The following CDH12 variants were observed in gnomAD, a reference collection of about 807,000 sequenced individuals.
CDH12 encodes the protein cadherin-12.
Under a neutral mutation model 74.1 loss-of-function variants are expected in CDH12, and 41 were observed. The observed-to-expected ratio is 0.55, with a 90% CI of 0.43 to 0.72. CDH12 has a LOEUF of 0.72. CDH12 is among the 30% of genes least tolerant of loss of function. CDH12 has a pLI of 0.00. For synonymous variants in CDH12, 399 were observed against 355.0 expected (o/e 1.12, Z -1.39); for missense variants, 945 against 977.2 (o/e 0.97, Z 0.44).
chr5:22,231,252 T>TA (rs935651234), intron 3 of CDH12, among the ~76,000 whole-genome samples: 70 of 152,118 alleles, frequency 4.6e-4, no homozygotes, highest in African/African-American at 1.7e-3. Context: ...ACTTATAAAT[T>TA]AGACAAAGGA....
chr5:21,751,439 T>C lies in CDH12; in HGVS notation c.*298A>G, dbSNP rs966962022. On this transcript the variant is annotated 3_prime_UTR_variant, in exon 15 of 15. Transcript: ENST00000382254. ...TAGGTTGTCATGTCAGTAAATTGTATTGAATAGGCCTGAGCTTGTCTCAGT... is the reference window on the plus strand; with the variant it reads ...TAGGTTGTCATGTCAGTAAATTGTACTGAATAGGCCTGAGCTTGTCTCAGT... 1 of 282,712 alleles carries C rather than the reference T, an allele frequency of 3.5e-6. No individual in the cohort carries two copies. The highest frequency in any genetic ancestry group is 5.8e-5 in the South Asian group (1 of 17,194). The allele number at this position is 282,712 out of a possible 1,614,324, so 17.5% of individuals were successfully genotyped here.
In CDH12 at chr5:22,796,742, G is replaced by A. The variant is rs1486893303; in HGVS notation, c.-523+56316C>T. 3.9e-5 allele frequency among the ~76,000 whole-genome samples: 4 copies of A among 102,454 alleles called. 1 individual carries two copies. The highest frequency in any genetic ancestry group is 1.0e-4 in the Admixed American group (1 of 9,726). The allele number at this position is 102,454 out of a possible 152,430, so 67.2% of individuals were successfully genotyped here. ...TCACCGTTTTAGCCGGGATGGTCTC[G>A]ATCTCTTGACCTCGTGATCCGCCCG... On this transcript the variant is annotated intron_variant, in intron 1 of 14. Transcript: ENST00000382254.
chr5:22,295,496 A>G (rs1004123116), intron 3 of CDH12, among the ~76,000 whole-genome samples: 2 of 152,182 alleles, frequency 1.3e-5, no homozygotes, highest in East Asian at 3.9e-4. Flanking sequence ...TTGATCTAGA[A>G]AAACCACACT....
At chr5:22,401,397 C>T (rs985913920) in intron 3 of CDH12, among the ~76,000 whole-genome samples, 2 of 152,052 alleles carry the variant, frequency 1.3e-5, no homozygotes, top group African/African-American at 2.4e-5. Context: ...GTTTATTTAC[C>T]TAAATTCTTT....
chr5:22,516,133 T>C (rs1024086055), intron 1 of CDH12, among the ~76,000 whole-genome samples: 1 of 152,132 alleles, frequency 6.6e-6, no homozygotes, highest in Non-Finnish European at 1.5e-5. Flanking sequence ...TGAGATACTA[T>C]GAACATAAAC....
At chr5:22,157,001 C>G (rs1299046571) in intron 4 of CDH12, among the ~76,000 whole-genome samples, 1 of 152,072 alleles carries the variant, frequency 6.6e-6, no homozygotes, top group Non-Finnish European at 1.5e-5. Flanking sequence ...TATCTGAACT[C>G]TAGTATTAAC....
intron 9 of CDH12, among the ~76,000 whole-genome samples, chr5:21,810,527 T>C (rs886090441): frequency 6.6e-6 from 1 of 152,052 alleles, no homozygotes; most frequent in Non-Finnish European, 1.5e-5. Context: ...CAGACTTTTG[T>C]TGGGAGCAAA....
intron 6 of CDH12, among the ~76,000 whole-genome samples, chr5:21,904,099 A>T (rs1753524289): frequency 6.6e-6 from 1 of 152,154 alleles, no homozygotes; most frequent in Non-Finnish European, 1.5e-5. Flanking sequence ...AGGCAATTAT[A>T]ACTACTGTCT....
chr5:22,142,363 C>A (rs1746856719), intron 4 of CDH12: 1 of 446,034 alleles, frequency 2.2e-6, no homozygotes. Flanking sequence ...GGTAGTAGAA[C>A]AATGGGATTA....
intron 1 of CDH12, among the ~76,000 whole-genome samples, chr5:22,558,915 A>C (rs936708669): frequency 4.6e-5 from 7 of 152,096 alleles, no homozygotes; most frequent in African/African-American, 1.7e-4. Flanking sequence ...TAAAATTATT[A>C]AAAACTATTA....
At chr5:22,742,403 A>C (rs552787889) in intron 1 of CDH12, among the ~76,000 whole-genome samples, 158 of 152,282 alleles carry the variant, frequency 1.0e-3, no homozygotes, top group African/African-American at 3.8e-3. Flanking sequence ...AAAAAAGCGA[A>C]ATAAGACCAC....
rs140646167 is a variant in CDH12 at position 22,829,374 on chromosome 5, C to T, written c.-523+23684G>A. Among the ~76,000 whole-genome samples, 21 of 152,222 alleles carry T rather than the reference C, an allele frequency of 1.4e-4. No homozygotes were observed. In the East Asian group the frequency reaches 1.7e-3, roughly 13 times the overall value. ...ATATTTCTATCACCCTCAAGATACACGATATTTTATAGATAAGAAATCTGA... is the reference window on the plus strand; with the variant it reads ...ATATTTCTATCACCCTCAAGATACATGATATTTTATAGATAAGAAATCTGA... On this transcript the variant is annotated intron_variant, in intron 1 of 14. Coordinates refer to ENST00000382254, the MANE Select transcript of CDH12 (RefSeq NM_004061.5).
At chr5:22,543,695 A>T (rs1404297192) in intron 1 of CDH12, among the ~76,000 whole-genome samples, 1 of 152,166 alleles carries the variant, frequency 6.6e-6, no homozygotes, top group Non-Finnish European at 1.5e-5. Context: ...TAGCCTTGTC[A>T]TGTGGTCTGA....
At chr5:22,064,508 ACT>A (rs917286444) in intron 5 of CDH12, among the ~76,000 whole-genome samples, 1 of 151,960 alleles carries the variant, frequency 6.6e-6, no homozygotes, top group Non-Finnish European at 1.5e-5. Context: ...TACACTATTG[ACT>A]CTCTTTCCAG....
In CDH12 at chr5:22,672,544, A is replaced by G. The variant is rs79262659; in HGVS notation, c.-522-167180T>C. 9.2e-3 allele frequency among the ~76,000 whole-genome samples: 1,397 copies of G among 152,120 alleles called. 63 individuals are homozygous for G. In the East Asian group the frequency reaches 0.14, roughly 15 times the overall value. On this transcript the variant is annotated intron_variant, in intron 1 of 14. Coordinates refer to ENST00000382254, the MANE Select transcript of CDH12 (RefSeq NM_004061.5). ...CTTTTTGTCTCCTGTGCTTGCTTCC[A>G]CCATCCACCCTTCTGCCATGGGATG...
At chr5:22,095,410 C>T (rs530777211) in intron 4 of CDH12, among the ~76,000 whole-genome samples, 1 of 152,232 alleles carries the variant, frequency 6.6e-6, no homozygotes, top group South Asian at 2.1e-4. Flanking sequence ...GCAGCCTTCC[C>T]TTGGTGTTTA....
chr5:22,808,940 A>G (rs1004163167), intron 1 of CDH12, among the ~76,000 whole-genome samples: 1 of 151,904 alleles, frequency 6.6e-6, no homozygotes, highest in Admixed American at 6.6e-5. Flanking sequence ...CCAAGTCTTC[A>G]GAAAATATTC....
intron 5 of CDH12, 49 bp from the exon 6 acceptor site, chr5:21,975,434 G>A (rs1324809235): frequency 7.4e-7 from 1 of 1,346,384 alleles, no homozygotes; most frequent in Non-Finnish European, 1.0e-6. Context: ...GAAGGACAAA[G>A]AAAGAACACC....
chr5:22,840,176 G>A (rs547038723), intron 1 of CDH12, among the ~76,000 whole-genome samples: 6 of 152,078 alleles, frequency 3.9e-5, no homozygotes, highest in East Asian at 1.9e-4. Context: ...GCTGGAGTGC[G>A]GTTGCACGAT....
Sources: gnomAD v4.1 joint callset for allele counts (sites outside exome capture counted in the v4.1 genomes callset) on GRCh38, gnomAD v4.1.1 for gene constraint, MANE v1.5 for transcripts, NCBI Gene and HGNC (gene_info 2026-07-23, HGNC 2026-07-21) for gene names.